The following SOCS5 variants were observed in gnomAD, a reference collection of about 807,000 sequenced individuals.
The protein encoded by SOCS5 is suppressor of cytokine signaling 5.
Under a neutral mutation model 42.8 loss-of-function variants are expected in SOCS5, and 32 were observed. The ratio of observed to expected loss-of-function variants is 0.75; its 90% CI spans 0.56 to 1.01. The LOEUF is 1.01. SOCS5 is among the 50% of genes least tolerant of loss of function. The pLI, the probability that SOCS5 is intolerant of heterozygous loss-of-function variation, is 0.00. For synonymous variants in SOCS5, 283 were observed against 229.6 expected (o/e 1.23, Z -2.10); for missense variants, 627 against 653.0 (o/e 0.96, Z 0.43).
intron 1 of SOCS5, among the ~76,000 whole-genome samples, chr2:46,714,286 CA>C (rs1197256123): frequency 6.6e-6 from 1 of 152,094 alleles, no homozygotes; most frequent in African/African-American, 2.4e-5. Flanking sequence ...CTTTCAGTTC[CA>C]ATAAGTTTTG....
At chr2:46,711,525 T>G (rs1271459214) in intron 1 of SOCS5, among the ~76,000 whole-genome samples, 2 of 152,246 alleles carry the variant, frequency 1.3e-5, no homozygotes, top group African/African-American at 4.8e-5. Context: ...GCAACTTCTT[T>G]GACACATAAA....
chr2:46,715,014 A>G (rs1672707372), intron 1 of SOCS5, among the ~76,000 whole-genome samples: 1 of 151,812 alleles, frequency 6.6e-6, no homozygotes, highest in Admixed American at 6.6e-5. Context: ...TCTTTTCCAT[A>G]TTTCGTGCTT....
At chr2:46,704,853 C>T (rs1227993814) in intron 1 of SOCS5, among the ~76,000 whole-genome samples, 1 of 152,130 alleles carries the variant, frequency 6.6e-6, no homozygotes, top group Non-Finnish European at 1.5e-5. Context: ...CCTAGGTAAG[C>T]ACTGTTTGGA....
At chr2:46,750,027 C>A (rs187911123) in intron 1 of SOCS5, among the ~76,000 whole-genome samples, 328 of 152,292 alleles carry the variant, frequency 2.2e-3, no homozygotes, top group Middle Eastern at 6.8e-3. Flanking sequence ...TCATCACATC[C>A]AACCCATAAG....
chr2:46,735,266 C>T (rs1305796132), intron 1 of SOCS5, among the ~76,000 whole-genome samples: 1 of 152,144 alleles, frequency 6.6e-6, no homozygotes, highest in South Asian at 2.1e-4. Flanking sequence ...GACCCTTGTC[C>T]TTATGGTTCA....
At chr2:46,710,304 T>A (rs1232392277) in intron 1 of SOCS5, among the ~76,000 whole-genome samples, 1 of 151,972 alleles carries the variant, frequency 6.6e-6, no homozygotes, top group Non-Finnish European at 1.5e-5. Context: ...GTGCCACCAC[T>A]CCCAGCTAAT....
intron 1 of SOCS5, among the ~76,000 whole-genome samples, chr2:46,742,108 G>A (rs1261490991): frequency 6.6e-6 from 1 of 152,160 alleles, no homozygotes; most frequent in Admixed American, 6.5e-5. Flanking sequence ...TGATAAATTT[G>A]TATCACATTT....
chr2:46,740,655 A>G (rs1673353214), intron 1 of SOCS5, among the ~76,000 whole-genome samples: 1 of 152,122 alleles, frequency 6.6e-6, no homozygotes, highest in South Asian at 2.1e-4. Context: ...GGCTGGAGGT[A>G]AATCACATAT....
intron 1 of SOCS5, among the ~76,000 whole-genome samples, chr2:46,700,857 A>G (rs1241063273): frequency 6.6e-6 from 1 of 152,126 alleles, no homozygotes; most frequent in South Asian, 2.1e-4. Context: ...TCTTAATTTT[A>G]TATATGTTAG....
intron 1 of SOCS5, among the ~76,000 whole-genome samples, chr2:46,743,727 C>T (rs1673429213): frequency 2.0e-5 from 3 of 152,154 alleles, no homozygotes. Flanking sequence ...TATACTTGAA[C>T]ATTTAGTATA....
chr2:46,753,797 T>C (rs1673676612), intron 1 of SOCS5, among the ~76,000 whole-genome samples: 1 of 152,194 alleles, frequency 6.6e-6, no homozygotes, highest in African/African-American at 2.4e-5. Context: ...TCCTCCCCTT[T>C]TCAGACCATG....
At chr2:46,703,565 T>G (rs141469841) in intron 1 of SOCS5, among the ~76,000 whole-genome samples, 2 of 152,290 alleles carry the variant, frequency 1.3e-5, no homozygotes, top group African/African-American at 2.4e-5. Context: ...TTAAATATGG[T>G]TTTAGAAGGC....
chr2:46,713,226 C>T (rs1672667240), intron 1 of SOCS5, among the ~76,000 whole-genome samples: 2 of 152,100 alleles, frequency 1.3e-5, no homozygotes, highest in Non-Finnish European at 2.9e-5. Context: ...CCTGGTGGCG[C>T]ACACCTGTAG....
intron 1 of SOCS5, among the ~76,000 whole-genome samples, chr2:46,757,756 A>T: frequency 6.6e-6 from 1 of 152,252 alleles, no homozygotes; most frequent in East Asian, 1.9e-4. Context: ...AATCCCAGCT[A>T]CTCAGAGGCT....
intron 1 of SOCS5, among the ~76,000 whole-genome samples, chr2:46,748,930 C>A: frequency 1.3e-5 from 2 of 152,280 alleles, no homozygotes; most frequent in Middle Eastern, 6.8e-3. Flanking sequence ...AGTAGTTCCC[C>A]TAATCAGAGA....
rs1434804036 is a variant in SOCS5 at position 46,762,302 on chromosome 2, A to G, written c.*2161A>G. 1 of 166,760 alleles carries G rather than the reference A, an allele frequency of 6.0e-6. No individual in the cohort carries two copies. Among genetic ancestry groups the G allele is most frequent in the East Asian group, 1.9e-4 (1 of 5,200 alleles). 10.3% of individuals were successfully genotyped at this position (166,760 alleles called of 1,614,324 possible). A position where few individuals can be genotyped will look rare whatever the true frequency, so the allele number is the denominator to read the frequency against. On this transcript the variant is annotated 3_prime_UTR_variant, in exon 2 of 2. Transcript: ENST00000394861. ...ATGTACCTGGAAAATAAACCTCTTGAGAAAAAGAAAAGTTCATACTGATTA... is the reference window on the plus strand; with the variant it reads ...ATGTACCTGGAAAATAAACCTCTTGGGAAAAAGAAAAGTTCATACTGATTA...
intron 1 of SOCS5, among the ~76,000 whole-genome samples, chr2:46,746,940 T>TG (rs1207943856): frequency 6.8e-6 from 1 of 146,040 alleles, no homozygotes; most frequent in Non-Finnish European, 1.5e-5. Flanking sequence ...TTTTTTTTTT[T>TG]TTTGCCTTAT....
In SOCS5 at chr2:46,759,493, T is replaced by C. The variant is rs370456653; in HGVS notation, c.963T>C (p.Asn321=). The part of the protein sequence containing the change: ...SGDSSAIPQA[N]CDSEEDTTTL... ...ACAGTTCTGCAATTCCACAAGCTAA[T>C]TGTGACTCGGAAGAGGATACAACCA... The change falls in exon 2 of 2, where the codon AAT becomes AAC. Residue 321 remains asparagine (N), a synonymous_variant. Coordinates refer to ENST00000394861, the MANE Select transcript of SOCS5 (RefSeq NM_144949.3). 50 of 1,613,892 alleles carry C rather than the reference T, an allele frequency of 3.1e-5. No individual in the cohort carries two copies. The highest frequency in any genetic ancestry group is 1.1e-4 in the African/African-American group (8 of 74,934).
At position 46,759,470 on chromosome 2, in the gene SOCS5, A is replaced by G; in HGVS notation, c.940A>G (p.Ser314Gly). The change falls in exon 2 of 2, where the codon AGT becomes GGT. Residue 314 changes from serine (S) to glycine (G), a missense_variant. By Grantham distance (56) the Ser-to-Gly change is moderately conservative (BLOSUM62 0). Coordinates refer to ENST00000394861, the MANE Select transcript of SOCS5 (RefSeq NM_144949.3). Reference protein sequence around the residue: ...APGMTEISGDSSAIPQANCDS... With the variant: ...APGMTEISGDGSAIPQANCDS... The stretch of plus-strand genomic sequence containing the variant: ...TGGAATGACTGAAATAAGTGGGGAC[A>G]GTTCTGCAATTCCACAAGCTAATTG... The G allele has an allele frequency of 1.2e-6, 2 of 1,614,000 alleles. No homozygotes were observed. The highest frequency in any genetic ancestry group is 1.7e-6 in the Non-Finnish European group (2 of 1,179,854).
Sources: allele counts gnomAD v4.1 joint callset (sites outside exome capture counted in the v4.1 genomes callset), GRCh38; gene constraint gnomAD v4.1.1; transcripts MANE v1.5; gene names NCBI Gene and HGNC (gene_info 2026-07-23, HGNC 2026-07-21).